RIF1: variants seen among roughly 807,000 people sequenced by gnomAD.
RIF1 encodes the protein replication timing regulatory factor 1, also known as telomere-associated protein RIF1.
RIF1 carries 45 observed loss-of-function variants against 247.1 expected under a neutral mutation model. The observed-to-expected ratio is 0.18, with a 90% CI of 0.14 to 0.23. RIF1 has a LOEUF of 0.23. Ranked by LOEUF, RIF1 falls within the 10% of genes least tolerant of loss-of-function variation. RIF1 has a pLI of 1.00. For synonymous variants in RIF1, 1,087 were observed against 978.8 expected, an observed-to-expected ratio of 1.11 and a Z score of -2.06; for missense variants, 2,967 against 2,862.5, an observed-to-expected ratio of 1.04 and a Z score of -0.83.
In RIF1 at chr2:151,475,260, T is replaced by C. The variant is rs2048872567; in HGVS notation, c.*189T>C. The stretch of plus-strand genomic sequence containing the variant: ...TAAGTTCATTATGTAAGATCCTTTT[T>C]TTTTTCATAATATGTATTCTTGGCT... On this transcript the variant is annotated 3_prime_UTR_variant, in exon 36 of 36. Transcript: ENST00000444746. 3.6e-6 allele frequency: 2 copies of C among 561,958 alleles called. No individual in the cohort carries two copies. Among genetic ancestry groups the C allele is most frequent in the South Asian group, 4.3e-5 (2 of 46,250 alleles). The allele number at this position is 561,958 out of a possible 1,614,324, so 34.8% of individuals were successfully genotyped here. A position where few individuals can be genotyped will look rare whatever the true frequency, so the allele number is the denominator to read the frequency against.
In RIF1 at chr2:151,480,853, C is replaced by T. The variant is rs564616840; in HGVS notation, c.*5782C>T. ...AGTATAGAAACTGAAGGATGGCAGT[C>T]TTAACTCCTAAGTTTTTTACAGAGC... is the stretch of plus-strand genomic sequence containing the variant. On this transcript the variant is annotated 3_prime_UTR_variant, in exon 36 of 36. Coordinates refer to ENST00000444746, the MANE Select transcript of RIF1 (RefSeq NM_018151.5). 2 of 152,306 alleles carry T rather than the reference C, an allele frequency of 1.3e-5. No individual in the cohort carries two copies. The highest frequency in any genetic ancestry group is 1.3e-4 in the Admixed American group (2 of 15,290). 9.4% of individuals were successfully genotyped at this position (152,306 alleles called of 1,614,324 possible).
intron 8 of RIF1, among the ~76,000 whole-genome samples, chr2:151,424,206 C>G (rs961098214): frequency 1.3e-5 from 2 of 152,184 alleles, no homozygotes; most frequent in African/African-American, 4.8e-5. Flanking sequence ...CGGGTTCATG[C>G]AATTCTCCTG....
At chr2:151,533,348 G>T in the RIF1 span, 1 of 792,766 alleles carries the variant, frequency 1.3e-6, no homozygotes. Context: ...GCCAGCATGG[G>T]CAGGGAGTGG....
intron 12 of RIF1, chr2:151,505,555 C>T (rs770374889): frequency 6.2e-7 from 1 of 1,613,232 alleles, no homozygotes; most frequent in South Asian, 1.1e-5. Context: ...TGTCCTATTG[C>T]TTCCTTATAC....
intron 8 of RIF1, among the ~76,000 whole-genome samples, chr2:151,427,146 G>A (rs1386779239): frequency 6.6e-6 from 1 of 151,366 alleles, no homozygotes; most frequent in Non-Finnish European, 1.5e-5. Context: ...AGGAGCATTC[G>A]TGTTGATGTA....
At chr2:151,486,084 C>T (rs569523954), downstream of RIF1, among the ~76,000 whole-genome samples, 2 of 152,088 alleles carry the variant, frequency 1.3e-5, no homozygotes, top group Non-Finnish European at 2.9e-5. Flanking sequence ...AAGGAACCCA[C>T]AAAATAGGAA....
rs949179056 is a variant in RIF1 at position 151,414,849 on chromosome 2, G to C, written c.210G>C (p.Glu70Asp). ...CTCACATTTCCAGTCAAAACTCGGAGCTGAGTAGTGCTGCTCTACAAGCCC... is the reference window on the plus strand; with the variant it reads ...CTCACATTTCCAGTCAAAACTCGGACCTGAGTAGTGCTGCTCTACAAGCCC... ...LKTHISSQNS[E>D]LSSAALQALG... Residue 70 changes from glutamate (E) to aspartate (D), a missense_variant, in exon 4 of 36, where the codon GAG (glutamate) becomes GAC (aspartate). Around this residue, in one of 7 missense-constraint regions of RIF1, gnomAD observed 269 missense variants for 288.6 expected, o/e 0.93. Transcript: ENST00000444746. 1.2e-6 allele frequency: 2 copies of C among 1,611,086 alleles called. No homozygotes were observed. Among genetic ancestry groups the C allele is most frequent in the African/African-American group, 2.7e-5 (2 of 74,828 alleles).
intron 34 of RIF1, among the ~76,000 whole-genome samples, chr2:151,473,679 ATAGAATGTAATTTTCT>A (rs1213127552): frequency 6.6e-6 from 1 of 152,200 alleles, no homozygotes; most frequent in Non-Finnish European, 1.5e-5. Flanking sequence ...AACTTGGGAA[ATAGAATGTAATTTTCT>A]TAGCTGCCAT....
chr2:151,464,110 C>T lies in RIF1; in HGVS notation c.4590C>T (p.Val1530=). The T allele has an allele frequency of 6.2e-7, 1 of 1,612,562 alleles. No homozygotes were observed. The highest frequency in any genetic ancestry group is 8.5e-7 in the Non-Finnish European group (1 of 1,179,686). ...TAGATAAGTCCTCTGAGAAACTAGT[C>T]AGAGGCCGAACACGGTATCAAACTA... is the stretch of plus-strand genomic sequence containing the variant. ...DIVDKSSEKL[V]RGRTRYQTRR... Residue 1530 remains valine (V), a synonymous_variant, in exon 30 of 36, where the codon GTC becomes GTT. Transcript: ENST00000444746.
intron 6 of RIF1, among the ~76,000 whole-genome samples, chr2:151,419,623 C>G (rs540546468): frequency 2.0e-5 from 3 of 152,036 alleles, no homozygotes; most frequent in African/African-American, 4.8e-5. Flanking sequence ...TGCACCCGGC[C>G]GGTCATTTAT....
intron 18 of RIF1, among the ~76,000 whole-genome samples, 192 bp from the exon 19 acceptor site, chr2:151,445,146 C>T (rs1327864653): frequency 1.3e-5 from 2 of 152,218 alleles, no homozygotes; most frequent in Non-Finnish European, 2.9e-5. Context: ...AGGACCTCAT[C>T]TGAACATATG....
chr2:151,531,041 T>C, the RIF1 span: 3 of 1,613,564 alleles, frequency 1.9e-6, no homozygotes, highest in Non-Finnish European at 2.5e-6. Flanking sequence ...AACATGGGTG[T>C]GTCGTGGATT....
At chr2:151,519,055 A>G in the RIF1 span, 1 of 1,611,010 alleles carries the variant, frequency 6.2e-7, no homozygotes, top group Non-Finnish European at 8.5e-7. Flanking sequence ...TCTTCAGGTC[A>G]GCCTTGTATT....
At chr2:151,518,556 G>A in the RIF1 span, 18 of 663,626 alleles carry the variant, frequency 2.7e-5, no homozygotes, top group South Asian at 3.4e-4. Context: ...TAAACAGGAG[G>A]TTAAGAAAAA....
At chr2:151,530,883 T>G in the RIF1 span, 1 of 670,986 alleles carries the variant, frequency 1.5e-6, no homozygotes, top group Non-Finnish European at 2.6e-6. Flanking sequence ...TTTAAGCCAC[T>G]AAGTTTTAGG....
At chr2:151,461,685 C>T (rs1225624674) in intron 27 of RIF1, among the ~76,000 whole-genome samples, 1 of 152,112 alleles carries the variant, frequency 6.6e-6, no homozygotes, top group African/African-American at 2.4e-5. Flanking sequence ...AGCCACCACA[C>T]CCGGCCACGT....
At chr2:151,526,808 G>A in the RIF1 span, 1 of 815,300 alleles carries the variant, frequency 1.2e-6, no homozygotes, top group Non-Finnish European at 2.0e-6. Flanking sequence ...CCATACCTGA[G>A]CCCTGATGGA....
the RIF1 span, chr2:151,527,137 G>T: frequency 5.8e-6 from 4 of 687,698 alleles, 1 homozygote; most frequent in South Asian, 7.6e-5. Context: ...CTTGCTACCA[G>T]AATGAGGAGA....
chr2:151,496,839 A>G lies in RIF1; in HGVS notation c.*513+1513A>G. The G allele has an allele frequency of 2.3e-6, 3 of 1,330,262 alleles. No individual in the cohort carries two copies. In the Admixed American group the frequency reaches 6.9e-5, roughly 31 times the overall value. The allele number at this position is 1,330,262 out of a possible 1,614,324, so 82.4% of individuals were successfully genotyped here. On this transcript the variant is annotated intron_variant and NMD_transcript_variant, in intron 10 of 13. Coordinates refer to the RIF1 transcript ENST00000454583. ...ATAAATTTGCTAAAGAAAGAAGTTC[A>G]CAAAATTTGTCTTTAGAAAATAGGA...
Sources: gnomAD v4.1 joint callset for allele counts (sites outside exome capture counted in the v4.1 genomes callset) on GRCh38, gnomAD v4.1.1 for gene constraint, gnomAD v4.1.1 regional missense constraint, MANE v1.5 for transcripts, NCBI Gene and HGNC (gene_info 2026-07-23, HGNC 2026-07-21) for gene names.